Variants in RUNX1 observed in about 807,000 individuals in gnomAD.
RUNX1 encodes RUNX family transcription factor 1, also known as runt-related transcription factor 1.
In RUNX1, 19 loss-of-function variants were observed where a neutral mutation model predicts 42.8. The ratio of observed to expected loss-of-function variants is 0.44; its 90% confidence interval spans 0.31 to 0.65. The LOEUF (loss-of-function observed/expected upper bound fraction) is 0.65. Among genes scored for constraint, RUNX1 ranks in the 30% least tolerant of loss-of-function variants. The probability of loss-of-function intolerance (pLI) is 0.07; values close to 1 mark genes in which losing one functional copy is unlikely to be tolerated. For missense variants in RUNX1, 528 were observed against 672.0 expected (o/e 0.79, Z 2.37); for synonymous variants, 271 against 289.4 (o/e 0.94, Z 0.64).
At position 34,849,474 on chromosome 21, in the gene RUNX1, A is replaced by C. The variant is rs542516565; in HGVS notation, c.613+10000T>G. ...TATTATAATATATAGTATATATATA[A>C]TATATATTATATATATATATATTAG... On this transcript the variant is annotated intron_variant, in intron 6 of 8. Transcript: ENST00000675419. Among the ~76,000 whole-genome samples, 207 of 103,368 alleles carry C rather than the reference A, an allele frequency of 2.0e-3. 4 individuals are homozygous for C. Among genetic ancestry groups the C allele is most frequent in the Middle Eastern group, 7.9e-3 (2 of 254 alleles). 67.8% of individuals were successfully genotyped at this position (103,368 alleles called of 152,430 possible).
At chr21:34,872,876 G>A (rs562995412) in intron 5 of RUNX1, among the ~76,000 whole-genome samples, 15 of 152,212 alleles carry the variant, frequency 9.9e-5, no homozygotes, top group African/African-American at 3.6e-4. Context: ...TCTTCTGGGA[G>A]TCAAATCACC....
intron 2 of RUNX1, among the ~76,000 whole-genome samples, chr21:34,989,333 G>T (rs901444803): frequency 6.6e-6 from 1 of 151,830 alleles, no homozygotes; most frequent in African/African-American, 2.4e-5. Context: ...ACTGATCTTT[G>T]CCATTCTCTA....
chr21:34,829,460 TTTAA>T (rs1169739916), intron 7 of RUNX1, among the ~76,000 whole-genome samples: 2 of 152,188 alleles, frequency 1.3e-5, no homozygotes, highest in Admixed American at 1.3e-4. Context: ...CCTTCTTTCC[TTTAA>T]TTATTTTTAT....
intron 2 of RUNX1, among the ~76,000 whole-genome samples, chr21:35,029,351 C>T (rs1484592340): frequency 2.6e-5 from 4 of 152,156 alleles, no homozygotes; most frequent in South Asian, 4.1e-4. Context: ...CATCATTGGC[C>T]GTGTCACCTT....
intron 2 of RUNX1, among the ~76,000 whole-genome samples, chr21:34,896,793 A>C (rs552642876): frequency 1.6e-4 from 25 of 152,366 alleles, no homozygotes; most frequent in African/African-American, 6.0e-4. Flanking sequence ...AAAATATTCC[A>C]CTGGATTTGT....
At chr21:34,861,126 G>A (rs1008965325) in intron 5 of RUNX1, among the ~76,000 whole-genome samples, 2 of 152,182 alleles carry the variant, frequency 1.3e-5, no homozygotes, top group Non-Finnish European at 2.9e-5. Context: ...CAACTGGCCT[G>A]TCCCCAGAAC....
At chr21:34,994,418 T>C (rs2058977366) in intron 2 of RUNX1, among the ~76,000 whole-genome samples, 2 of 152,182 alleles carry the variant, frequency 1.3e-5, no homozygotes, top group Non-Finnish European at 2.9e-5. Context: ...ATAATTGGAT[T>C]GTTTATAACA....
At chr21:34,863,216 C>T (rs186137535) in intron 5 of RUNX1, among the ~76,000 whole-genome samples, 12 of 152,284 alleles carry the variant, frequency 7.9e-5, no homozygotes, top group African/African-American at 2.2e-4. Flanking sequence ...ACTGTTCTTC[C>T]GGTTATTATC....
At chr21:35,010,025 C>A (rs1412098482) in intron 2 of RUNX1, among the ~76,000 whole-genome samples, 3 of 152,120 alleles carry the variant, frequency 2.0e-5, no homozygotes, top group South Asian at 2.1e-4. Context: ...AGTGTTCACA[C>A]AGAACTGCAT....
chr21:34,838,880 A>G (rs1385860431), intron 6 of RUNX1, among the ~76,000 whole-genome samples: 1 of 151,808 alleles, frequency 6.6e-6, no homozygotes, highest in Non-Finnish European at 1.5e-5. Flanking sequence ...ATATTCTTCA[A>G]TATTATTTAC....
chr21:34,798,073 C>T (rs2056555472), intron 8 of RUNX1: 1 of 456,344 alleles, frequency 2.2e-6, no homozygotes, highest in Non-Finnish European at 4.4e-6. Context: ...TCTGGTGAAA[C>T]CTGAAGTAAT....
intron 2 of RUNX1, among the ~76,000 whole-genome samples, chr21:35,020,814 A>G (rs1569153914): frequency 1.3e-5 from 2 of 152,234 alleles, no homozygotes; most frequent in Non-Finnish European, 1.5e-5. Context: ...GCCTTTAAAT[A>G]GTGTCTCATT....
intron 6 of RUNX1, among the ~76,000 whole-genome samples, chr21:34,850,227 T>C (rs1279581988): frequency 2.0e-5 from 3 of 152,190 alleles, no homozygotes; most frequent in Admixed American, 6.5e-5. Flanking sequence ...TCCATCCCCA[T>C]GGGAGACGTG....
intron 7 of RUNX1, among the ~76,000 whole-genome samples, chr21:34,800,118 C>G (rs1189702532): frequency 6.6e-6 from 1 of 152,112 alleles, no homozygotes; most frequent in Non-Finnish European, 1.5e-5. Context: ...TTCAGGACTT[C>G]GAGTTTGCAA....
chr21:34,888,439 C>G, intron 3 of RUNX1: 1 of 1,066,976 alleles, frequency 9.4e-7, no homozygotes, highest in African/African-American at 1.6e-5. Flanking sequence ...AAGTTCGCAG[C>G]CAGGAAAGAA....
At chr21:34,913,146 T>C (rs369304031) in intron 2 of RUNX1, among the ~76,000 whole-genome samples, 41 of 152,150 alleles carry the variant, frequency 2.7e-4, no homozygotes, top group African/African-American at 9.6e-4. Context: ...GCAGGAAGAA[T>C]TGCTTGAACC....
chr21:34,961,952 G>A (rs1393307425), intron 2 of RUNX1, among the ~76,000 whole-genome samples: 3 of 152,052 alleles, frequency 2.0e-5, no homozygotes, highest in Non-Finnish European at 2.9e-5. Flanking sequence ...GAGTGCAGTG[G>A]CATAATCACA....
At position 34,990,086 on chromosome 21, in the gene RUNX1, C is replaced by T. The variant is rs149785955; in HGVS notation, c.58+58756G>A. On this transcript the variant is annotated intron_variant, in intron 2 of 8. Transcript: ENST00000675419. ...TATCGTTCATTTTTCTGCACAGGGACTGACTCAAGGCTCTAAGGTTCTATC... is the reference window on the plus strand; with the variant it reads ...TATCGTTCATTTTTCTGCACAGGGATTGACTCAAGGCTCTAAGGTTCTATC... 5.7e-3 allele frequency among the ~76,000 whole-genome samples: 864 copies of T among 152,280 alleles called. 6 individuals are homozygous for T. Among genetic ancestry groups the T allele is most frequent in the Non-Finnish European group, 7.4e-3 (505 of 68,026 alleles).
intron 3 of RUNX1, among the ~76,000 whole-genome samples, chr21:34,890,034 CT>C (rs1173362160): frequency 3.3e-5 from 5 of 152,130 alleles, no homozygotes; most frequent in Non-Finnish European, 5.9e-5. Context: ...ACGCCCGCTC[CT>C]CCCTCCCCCA....
Sources: gnomAD v4.1 joint callset for allele counts (sites outside exome capture counted in the v4.1 genomes callset) on GRCh38, gnomAD v4.1.1 for gene constraint, MANE v1.5 for transcripts, NCBI Gene and HGNC (gene_info 2026-07-23, HGNC 2026-07-21) for gene names.